The following LGR5 variants were observed in gnomAD, a reference collection of about 807,000 sequenced individuals.
The protein encoded by LGR5 is leucine rich repeat containing G protein-coupled receptor 5, also known as leucine-rich repeat-containing G protein-coupled receptor 5.
LGR5 carries 54 observed loss-of-function variants against 76.7 expected under a neutral mutation model. That is an observed-to-expected ratio of 0.70 (90% CI 0.57 to 0.88). The LOEUF (loss-of-function observed/expected upper bound fraction) is 0.88, where lower values mean the gene tolerates loss of function less well. LGR5 is among the 40% of genes least tolerant of loss of function. The pLI, the probability that LGR5 is intolerant of heterozygous loss-of-function variation, is 0.00. For synonymous variants in LGR5, 406 were observed against 421.9 expected, an observed-to-expected ratio of 0.96 and a Z score of 0.46; for missense variants, 1,078 against 1,073.3, an observed-to-expected ratio of 1.00 and a Z score of -0.06.
At chr12:71,442,304 T>TA (rs768936321) in intron 1 of LGR5, among the ~76,000 whole-genome samples, 1 of 152,134 alleles carries the variant, frequency 6.6e-6, no homozygotes, top group African/African-American at 2.4e-5. Context: ...CAGGGGAACT[T>TA]ACTGCCACCT....
At chr12:71,561,912 T>A in intron 8 of LGR5, 60 bp downstream of exon 8, 1 of 949,266 alleles carries the variant, frequency 1.1e-6, no homozygotes. Flanking sequence ...TATTATACTT[T>A]GAAATACAAT....
chr12:71,458,835 G>A (rs1872585239), intron 1 of LGR5, among the ~76,000 whole-genome samples: 1 of 151,810 alleles, frequency 6.6e-6, no homozygotes, highest in South Asian at 2.1e-4. Flanking sequence ...TTTTTTAAAT[G>A]CATATTTAAA....
intron 12 of LGR5, 74 bp downstream of exon 12, chr12:71,571,653 C>T (rs1878616537): frequency 9.1e-7 from 1 of 1,095,602 alleles, no homozygotes; most frequent in Admixed American, 1.8e-5. Flanking sequence ...GTCACTGGTT[C>T]ATTTACCCTG....
chr12:71,536,752 CTT>C (rs1378741445), intron 4 of LGR5, among the ~76,000 whole-genome samples: 1 of 152,200 alleles, frequency 6.6e-6, no homozygotes, highest in Non-Finnish European at 1.5e-5. Context: ...GAAGTGAACT[CTT>C]TGAGAAAAAG....
chr12:71,452,428 TA>T (rs1328944756), intron 1 of LGR5, among the ~76,000 whole-genome samples: 2 of 152,204 alleles, frequency 1.3e-5, no homozygotes, highest in African/African-American at 4.8e-5. Context: ...AAACTCTACG[TA>T]AAACTCAAAC....
At chr12:71,496,925 G>A (rs1426643352) in intron 1 of LGR5, among the ~76,000 whole-genome samples, 1 of 152,174 alleles carries the variant, frequency 6.6e-6, no homozygotes, top group Non-Finnish European at 1.5e-5. Context: ...TTTTGGTGGG[G>A]AGCAATGAAT....
chr12:71,582,965 A>AAGGAAGGAAGGAAGC (rs1879155510), intron 17 of LGR5, among the ~76,000 whole-genome samples: 1 of 145,674 alleles, frequency 6.9e-6, no homozygotes, highest in Non-Finnish European at 1.5e-5. Flanking sequence ...AGGAAGGAAG[A>AAGGAAGGAAGGAAGC]AAGGAAGGAA....
chr12:71,487,280 T>C (rs11178828), intron 1 of LGR5, among the ~76,000 whole-genome samples: 10,683 of 152,254 alleles, frequency 0.07, 1,319 homozygotes, highest in African/African-American at 0.24. Context: ...ACAAGGATGA[T>C]TGGCTTTCTT....
intron 1 of LGR5, among the ~76,000 whole-genome samples, chr12:71,491,989 T>G (rs1186865257): frequency 6.6e-6 from 1 of 151,994 alleles, no homozygotes; most frequent in Non-Finnish European, 1.5e-5. Flanking sequence ...TTTGTTTTAT[T>G]AACTCCTCTA....
chr12:71,547,168 G>A (rs55809463), intron 4 of LGR5, among the ~76,000 whole-genome samples: 8,982 of 152,222 alleles, frequency 0.059, 382 homozygotes, highest in African/African-American at 0.13. Context: ...TAAAAACTCC[G>A]TTCTTGCACC....
At chr12:71,524,262 G>T in intron 2 of LGR5, 144 bp from the exon 3 acceptor site, 1 of 542,586 alleles carries the variant, frequency 1.8e-6, no homozygotes, top group Non-Finnish European at 3.2e-6. Flanking sequence ...GATATTTTTT[G>T]CAAAATATAA....
chr12:71,470,407 T>C (rs1435236997), intron 1 of LGR5, among the ~76,000 whole-genome samples: 1 of 152,178 alleles, frequency 6.6e-6, no homozygotes, highest in Non-Finnish European at 1.5e-5. Context: ...TTTCCTTCCA[T>C]GTATGACAGA....
chr12:71,514,495 A>G lies in LGR5; in HGVS notation c.284+9810A>G, dbSNP rs4760804. On this transcript the variant is annotated intron_variant, in intron 2 of 17. Coordinates refer to ENST00000266674, the MANE Select transcript of LGR5 (RefSeq NM_003667.4). ...AGGCAGGAGAATGGCTTGAACCCGG[A>G]AGGCGGAGCTTGCAGTGAGCCCAGA... is the stretch of plus-strand genomic sequence containing the variant. Among the ~76,000 whole-genome samples, 435 of 151,166 alleles carry G rather than the reference A, an allele frequency of 2.9e-3. 2 individuals are homozygous for G. The highest frequency in any genetic ancestry group is 4.4e-3 in the Non-Finnish European group (298 of 67,808).
chr12:71,583,375 A>C, intron 17 of LGR5: 1 of 429,938 alleles, frequency 2.3e-6, no homozygotes, highest in Non-Finnish European at 4.1e-6. Context: ...TGTATCTTAG[A>C]GACTTCAATT....
At chr12:71,581,918 G>T (rs550946070) in intron 16 of LGR5, among the ~76,000 whole-genome samples, 2 of 152,202 alleles carry the variant, frequency 1.3e-5, no homozygotes, top group South Asian at 4.2e-4. Flanking sequence ...GTATCTTTGG[G>T]GAAATATGTT....
intron 1 of LGR5, among the ~76,000 whole-genome samples, chr12:71,498,003 A>G (rs1190052380): frequency 2.6e-5 from 4 of 152,208 alleles, no homozygotes; most frequent in Non-Finnish European, 5.9e-5. Flanking sequence ...GATAGGAAAC[A>G]TACTTCAGAA....
chr12:71,545,360 G>C (rs1470648777), intron 4 of LGR5, among the ~76,000 whole-genome samples: 1 of 152,064 alleles, frequency 6.6e-6, no homozygotes, highest in African/African-American at 2.4e-5. Flanking sequence ...GGCTGAGATG[G>C]AAGAATCACT....
chr12:71,521,713 G>A (rs1875736672), intron 2 of LGR5, among the ~76,000 whole-genome samples: 1 of 152,104 alleles, frequency 6.6e-6, no homozygotes, highest in Non-Finnish European at 1.5e-5. Flanking sequence ...GGATACTGGG[G>A]GACAGTCAGT....
intron 12 of LGR5, 41 bp from the exon 13 acceptor site, chr12:71,572,809 C>A (rs1878672938): frequency 1.3e-6 from 2 of 1,501,962 alleles, no homozygotes; most frequent in African/African-American, 2.8e-5. Flanking sequence ...TCTTTGAAAC[C>A]AGTAACTTTG....
Sources: gnomAD v4.1 joint callset for allele counts (sites outside exome capture counted in the v4.1 genomes callset) on GRCh38, gnomAD v4.1.1 for gene constraint, MANE v1.5 for transcripts, NCBI Gene and HGNC (gene_info 2026-07-23, HGNC 2026-07-21) for gene names.